Variants in TMEM131 observed in about 807,000 individuals in gnomAD.
The protein encoded by TMEM131 is transmembrane protein 131.
In TMEM131, 66 loss-of-function variants were observed where a neutral mutation model predicts 211.6. The observed-to-expected ratio is 0.31, with a 90% CI of 0.26 to 0.38. The LOEUF (loss-of-function observed/expected upper bound fraction) is 0.38, where lower values mean the gene tolerates loss of function less well. Ranked by LOEUF, TMEM131 falls within the 10% of genes least tolerant of loss-of-function variation. TMEM131 has a pLI of 1.00. For synonymous variants in TMEM131, 844 were observed against 841.3 expected (o/e 1.00, Z -0.06); for missense variants, 2,036 against 2,299.3 (o/e 0.89, Z 2.34).
At chr2:97,968,924 G>GA (rs11337427) in intron 1 of TMEM131, among the ~76,000 whole-genome samples, 3 of 149,996 alleles carry the variant, frequency 2.0e-5, no homozygotes, top group East Asian at 2.0e-4. Flanking sequence ...CTCTACTAAA[G>GA]AAAAAAAAAA....
chr2:97,891,618 T>C (rs934369043), intron 3 of TMEM131, among the ~76,000 whole-genome samples: 4 of 152,184 alleles, frequency 2.6e-5, no homozygotes, highest in Non-Finnish European at 4.4e-5. Context: ...ATACTGCTTG[T>C]TGAACTGTCA....
Position 97,818,672 on chromosome 2 carries a change from G to A in TMEM131, c.1124C>T (p.Pro375Leu). Residue 375 changes from proline to leucine, a missense_variant, in exon 12 of 41, where the codon CCA becomes CTA. Transcript: ENST00000186436. ...ACTTTCTGATGCTTTTAATGTAATT[G>A]GTTTAAAGTGTACCGTTATAGCATC... is the stretch of plus-strand genomic sequence containing the variant. The part of the protein sequence containing the change: ...QNDAITVHFK[P>L]ITLKASESKY... 1 of 1,608,380 alleles carries A rather than the reference G, an allele frequency of 6.2e-7. No homozygotes were observed. Among genetic ancestry groups the A allele is most frequent in the Non-Finnish European group, 8.5e-7 (1 of 1,176,786 alleles).
chr2:97,793,034 A>G (rs777186423), intron 30 of TMEM131, 50 bp from the exon 31 acceptor site: 23 of 1,329,862 alleles, frequency 1.7e-5, no homozygotes, highest in Non-Finnish European at 2.3e-5. Flanking sequence ...TACAAAATCT[A>G]ATATTAAAAA....
At chr2:97,944,212 G>C (rs1677929961) in intron 1 of TMEM131, among the ~76,000 whole-genome samples, 1 of 152,166 alleles carries the variant, frequency 6.6e-6, no homozygotes, top group African/African-American at 2.4e-5. Flanking sequence ...TGAATGCCAA[G>C]ATAACTCAGA....
At chr2:97,954,663 G>C (rs1678477955) in intron 1 of TMEM131, among the ~76,000 whole-genome samples, 1 of 152,066 alleles carries the variant, frequency 6.6e-6, no homozygotes, top group Middle Eastern at 3.4e-3. Context: ...AAAATTAGCT[G>C]GGCGTGGTGG....
At chr2:97,838,412 T>C (rs1683030246) in intron 7 of TMEM131, among the ~76,000 whole-genome samples, 1 of 145,614 alleles carries the variant, frequency 6.9e-6, no homozygotes, top group Non-Finnish European at 1.5e-5. Context: ...AAAATGGCAA[T>C]TCTTAAGCTT....
chr2:97,797,148 T>C (rs1680807013), intron 26 of TMEM131, among the ~76,000 whole-genome samples, 162 bp from the exon 27 acceptor site: 1 of 152,266 alleles, frequency 6.6e-6, no homozygotes, highest in Admixed American at 6.5e-5. Context: ...AGAGCAAGTT[T>C]TTATTTTTAA....
chr2:97,893,295 T>G (rs1675463007), intron 3 of TMEM131, among the ~76,000 whole-genome samples: 1 of 143,534 alleles, frequency 7.0e-6, no homozygotes. Context: ...CTATCTTTGA[T>G]GGACATTTGG....
intron 1 of TMEM131, among the ~76,000 whole-genome samples, chr2:97,957,690 CAA>C (rs1258526613): frequency 1.3e-5 from 2 of 152,052 alleles, no homozygotes; most frequent in African/African-American, 4.8e-5. Context: ...TTCCAAAGGA[CAA>C]AAGTTTCCTG....
chr2:97,902,576 C>A (rs924211239), intron 3 of TMEM131, among the ~76,000 whole-genome samples: 1 of 152,092 alleles, frequency 6.6e-6, no homozygotes, highest in Non-Finnish European at 1.5e-5. Flanking sequence ...ACATTTTCTT[C>A]CTTTTACTAA....
chr2:97,951,194 T>C (rs564738933), intron 1 of TMEM131, among the ~76,000 whole-genome samples: 8 of 152,206 alleles, frequency 5.3e-5, no homozygotes, highest in South Asian at 2.1e-4. Flanking sequence ...TAGAAAAACA[T>C]GGAGTCAGTT....
At chr2:97,930,185 A>G (rs1423274748) in intron 1 of TMEM131, among the ~76,000 whole-genome samples, 1 of 151,850 alleles carries the variant, frequency 6.6e-6, no homozygotes, top group Non-Finnish European at 1.5e-5. Flanking sequence ...ACATAAAGTC[A>G]AGGCCTCTAA....
chr2:97,810,588 GCAGAAATA>G (rs1453187824), intron 18 of TMEM131, among the ~76,000 whole-genome samples: 3 of 152,108 alleles, frequency 2.0e-5, no homozygotes, highest in Admixed American at 2.0e-4. Context: ...TTTAGGTCTG[GCAGAAATA>G]CATCCATTCA....
chr2:97,797,539 G>A (rs928392086), intron 25 of TMEM131, 23 bp from the exon 26 acceptor site: 1 of 1,591,888 alleles, frequency 6.3e-7, no homozygotes, highest in Non-Finnish European at 8.6e-7. Flanking sequence ...GGTAAACAGA[G>A]AGGAGTCATG....
intron 31 of TMEM131, among the ~76,000 whole-genome samples, chr2:97,785,526 T>C (rs1680206499): frequency 6.6e-6 from 1 of 152,196 alleles, no homozygotes; most frequent in Admixed American, 6.5e-5. Flanking sequence ...AAGATGCTGC[T>C]GAGGATGTGG....
chr2:97,767,094 T>G (rs72815673), intron 33 of TMEM131, among the ~76,000 whole-genome samples: 3,635 of 152,254 alleles, frequency 0.024, 81 homozygotes, highest in Non-Finnish European at 0.034. Context: ...TCATAGAAAT[T>G]ATGAGGTGAC....
intron 1 of TMEM131, among the ~76,000 whole-genome samples, chr2:97,943,045 G>GAAAAGAAAAGAAAAGA (rs767704233): frequency 3.8e-5 from 2 of 52,638 alleles, no homozygotes; most frequent in Non-Finnish European, 8.8e-5. Flanking sequence ...AGAAAAGAAA[G>GAAAAGAAAAGAAAAGA]AAAGAAAGAA....
At chr2:97,911,373 A>G (rs1160004904) in intron 2 of TMEM131, among the ~76,000 whole-genome samples, 1 of 152,190 alleles carries the variant, frequency 6.6e-6, no homozygotes, top group Non-Finnish European at 1.5e-5. Flanking sequence ...TGTAGTAATA[A>G]TTTCACAGGT....
Position 97,792,891 on chromosome 2 carries a change from C to A in TMEM131, c.3639G>T (p.Gln1213His), listed in dbSNP as rs1680572213. Residue 1213 changes from glutamine (Q) to histidine (H), a missense_variant, in exon 31 of 41, where the codon CAG (glutamine) becomes CAT (histidine). Around this residue, in one of 3 missense-constraint regions of TMEM131, gnomAD observed 1,623 missense variants for 1,805.9 expected, o/e 0.90. Coordinates refer to ENST00000186436, the MANE Select transcript of TMEM131 (RefSeq NM_015348.2). Reference protein sequence around the residue: ...SSRPSAGSHKQCGPSVHPHSS... With the variant: ...SSRPSAGSHKHCGPSVHPHSS... Reference sequence around the variant, plus strand: ...TGTGTGGGTGGACCGATGGGCCACACTGCTTATGACTCCCGGCACTGGGTC... The same window carrying A: ...TGTGTGGGTGGACCGATGGGCCACAATGCTTATGACTCCCGGCACTGGGTC... 6.2e-7 allele frequency: 1 copy of A among 1,613,364 alleles called. No homozygotes were observed. The highest frequency in any genetic ancestry group is 1.3e-5 in the African/African-American group (1 of 75,032).
Sources: allele counts gnomAD v4.1 joint callset (sites outside exome capture counted in the v4.1 genomes callset), GRCh38; gene constraint gnomAD v4.1.1; regional missense constraint gnomAD v4.1.1; transcripts MANE v1.5; gene names NCBI Gene and HGNC (gene_info 2026-07-23, HGNC 2026-07-21).